The following ANKS1B variants were observed in gnomAD, a reference collection of about 807,000 sequenced individuals.
The protein encoded by ANKS1B is ankyrin repeat and sterile alpha motif domain-containing protein 1B.
A neutral mutation model predicts 148.3 loss-of-function variants in ANKS1B; 36 were observed. That is an observed-to-expected ratio of 0.24 (90% CI 0.19 to 0.32). The LOEUF is 0.32. ANKS1B is among the 10% of genes least tolerant of loss of function. The pLI, the probability that ANKS1B is intolerant of heterozygous loss-of-function variation, is 1.00. For synonymous variants in ANKS1B, 542 were observed against 560.8 expected, an observed-to-expected ratio of 0.97 and a Z score of 0.47; for missense variants, 1,157 against 1,542.6, an observed-to-expected ratio of 0.75 and a Z score of 4.19.
rs1046120778 is a variant in ANKS1B, at chr12:98,895,178, G to A, written c.2779-63042C>T. ...GCGAGAGCGATGCGGGCCCAGGCGC[G>A]GCGCGCGGGGGCTGCAGGGCGCCTA... On this transcript the variant is annotated intron_variant, in intron 17 of 26. Transcript: ENST00000683438. The A allele has an allele frequency of 2.6e-3, 2,548 of 985,166 alleles. 5 individuals are homozygous for A. The highest frequency in any genetic ancestry group is 2.9e-3 in the Non-Finnish European group (2,374 of 829,926). The allele number at this position is 985,166 out of a possible 1,614,324, so 61.0% of individuals were successfully genotyped here.
intron 17 of ANKS1B, among the ~76,000 whole-genome samples, chr12:98,961,038 T>C (rs1234744008): frequency 2.0e-5 from 3 of 152,124 alleles, no homozygotes; most frequent in Admixed American, 6.5e-5. Flanking sequence ...AAAGGGCAAG[T>C]GTAAGTGTTA....
chr12:98,784,905 G>A (rs993464343), intron 22 of ANKS1B, among the ~76,000 whole-genome samples: 4 of 152,194 alleles, frequency 2.6e-5, no homozygotes, highest in African/African-American at 9.7e-5. Flanking sequence ...AGTGTTGGGG[G>A]TGGCCATGCT....
At chr12:99,534,766 G>A (rs1276708936) in intron 9 of ANKS1B, among the ~76,000 whole-genome samples, 3 of 142,312 alleles carry the variant, frequency 2.1e-5, no homozygotes, top group Non-Finnish European at 4.5e-5. Flanking sequence ...CTGGGGTGCA[G>A]TGGCATTATT....
At chr12:99,942,738 C>T (rs182897151) in intron 1 of ANKS1B, among the ~76,000 whole-genome samples, 14 of 151,982 alleles carry the variant, frequency 9.2e-5, no homozygotes, top group African/African-American at 2.2e-4. Context: ...GAATATACAC[C>T]GGAGAACAAG....
chr12:99,535,096 C>G (rs2153102609), intron 9 of ANKS1B, among the ~76,000 whole-genome samples: 1 of 152,266 alleles, frequency 6.6e-6, no homozygotes, highest in East Asian at 1.9e-4. Context: ...TAACCAACCA[C>G]TAGTTATTTA....
intron 22 of ANKS1B, among the ~76,000 whole-genome samples, chr12:98,792,305 T>C (rs1288191114): frequency 6.6e-6 from 1 of 152,216 alleles, no homozygotes; most frequent in Non-Finnish European, 1.5e-5. Context: ...GGGAGGATTA[T>C]TTTTTAAAAA....
At chr12:99,902,864 T>C (rs771612159) in intron 1 of ANKS1B, among the ~76,000 whole-genome samples, 8 of 151,630 alleles carry the variant, frequency 5.3e-5, no homozygotes, top group Non-Finnish European at 1.0e-4. Flanking sequence ...AATTCTCCTG[T>C]CTCAGCCTCC....
At chr12:99,540,705 A>T (rs1224632005) in intron 9 of ANKS1B, among the ~76,000 whole-genome samples, 4 of 152,112 alleles carry the variant, frequency 2.6e-5, no homozygotes, top group Admixed American at 2.6e-4. Flanking sequence ...TTTTAAAAAG[A>T]CATAAGTCAA....
chr12:99,209,926 A>G (rs1399051791), intron 14 of ANKS1B, among the ~76,000 whole-genome samples: 1 of 152,036 alleles, frequency 6.6e-6, no homozygotes, highest in Non-Finnish European at 1.5e-5. Context: ...CTCCCCTCTG[A>G]CCAGAGACAT....
At chr12:98,969,570 A>C (rs918352232) in intron 17 of ANKS1B, among the ~76,000 whole-genome samples, 2 of 147,680 alleles carry the variant, frequency 1.4e-5, no homozygotes, top group African/African-American at 5.1e-5. Context: ...TTTGTGAAAA[A>C]GAAATATCTT....
At chr12:99,595,401 AATTGTT>A (rs1252569001) in intron 9 of ANKS1B, among the ~76,000 whole-genome samples, 1 of 151,892 alleles carries the variant, frequency 6.6e-6, no homozygotes, top group Non-Finnish European at 1.5e-5. Flanking sequence ...AAATAGTATG[AATTGTT>A]CCAATTGCCT....
chr12:99,055,554 G>T (rs908727658), intron 16 of ANKS1B, among the ~76,000 whole-genome samples: 6 of 132,684 alleles, frequency 4.5e-5, no homozygotes, highest in African/African-American at 1.7e-4. Flanking sequence ...GGGTGTTGAT[G>T]GTCGGTGGTG....
intron 8 of ANKS1B, among the ~76,000 whole-genome samples, chr12:99,663,013 T>C (rs1392685): frequency 0.44 from 66,527 of 151,996 alleles, 15,415 homozygotes; most frequent in South Asian, 0.56. Flanking sequence ...ACACAAGAGA[T>C]CTTACATGAG....
At chr12:99,327,389 T>TA (rs2086665455) in intron 12 of ANKS1B, among the ~76,000 whole-genome samples, 1 of 118,084 alleles carries the variant, frequency 8.5e-6, no homozygotes. Context: ...TAATTATATA[T>TA]TATAATTACA....
intron 9 of ANKS1B, among the ~76,000 whole-genome samples, chr12:99,589,538 A>C (rs1172984133): frequency 1.3e-5 from 2 of 152,166 alleles, no homozygotes; most frequent in Non-Finnish European, 2.9e-5. Context: ...AACCTGGTAA[A>C]ATTACCTAAA....
At chr12:99,755,785 G>A (rs897467172) in intron 8 of ANKS1B, among the ~76,000 whole-genome samples, 1 of 151,908 alleles carries the variant, frequency 6.6e-6, no homozygotes, top group African/African-American at 2.4e-5. Context: ...TGCAGAAAAG[G>A]CTTTTGATAA....
chr12:99,899,167 A>G (rs1000017072), intron 1 of ANKS1B, among the ~76,000 whole-genome samples: 6 of 152,322 alleles, frequency 3.9e-5, no homozygotes, highest in Non-Finnish European at 7.3e-5. Context: ...GGGAAGTACT[A>G]TATTTATCTT....
intron 11 of ANKS1B, among the ~76,000 whole-genome samples, chr12:99,429,894 G>A (rs1409420826): frequency 1.3e-5 from 2 of 152,092 alleles, no homozygotes; most frequent in Non-Finnish European, 2.9e-5. Flanking sequence ...AACCCGGGAG[G>A]CGAAGCTTGC....
chr12:99,355,888 G>A (rs998051682), intron 12 of ANKS1B, among the ~76,000 whole-genome samples: 2 of 151,970 alleles, frequency 1.3e-5, no homozygotes, highest in Non-Finnish European at 2.9e-5. Context: ...CCTTCGTAGT[G>A]TTTTATTTAT....
Sources: allele counts gnomAD v4.1 joint callset (sites outside exome capture counted in the v4.1 genomes callset), GRCh38; gene constraint gnomAD v4.1.1; transcripts MANE v1.5; gene names NCBI Gene and HGNC (gene_info 2026-07-23, HGNC 2026-07-21).